ACOXL: variants seen among roughly 807,000 people sequenced by gnomAD.
ACOXL encodes the protein acyl-coenzyme A oxidase-like protein.
A neutral mutation model predicts 71.9 loss-of-function variants in ACOXL; 70 were observed. The observed-to-expected ratio is 0.97, with a 90% confidence interval of 0.80 to 1.19. The LOEUF is 1.19. ACOXL is among the 50% of genes most tolerant of loss of function. The probability of loss-of-function intolerance (pLI) is 0.00; values close to 1 mark genes in which losing one functional copy is unlikely to be tolerated. For missense variants in ACOXL, 703 were observed against 736.3 expected, an observed-to-expected ratio of 0.95 and a Z score of 0.52; for synonymous variants, 253 against 281.6, an observed-to-expected ratio of 0.90 and a Z score of 1.02.
At chr2:111,063,805 A>G (rs905236096) in intron 16 of ACOXL, among the ~76,000 whole-genome samples, 1 of 152,232 alleles carries the variant, frequency 6.6e-6, no homozygotes, top group African/African-American at 2.4e-5. Flanking sequence ...AATAAAAGAC[A>G]TATCCTTTTA....
intron 9 of ACOXL, among the ~76,000 whole-genome samples, chr2:110,837,747 C>A (rs536354121): frequency 1.2e-4 from 18 of 152,202 alleles, no homozygotes; most frequent in African/African-American, 4.3e-4. Flanking sequence ...CTTTCCTTGC[C>A]ATTAAAATGT....
chr2:111,018,708 T>TGGGG (rs34041816), intron 14 of ACOXL, among the ~76,000 whole-genome samples: 5 of 134,816 alleles, frequency 3.7e-5, no homozygotes, highest in African/African-American at 1.8e-4. Flanking sequence ...GCAGAGAGGC[T>TGGGG]GGAGGGGGTG....
intron 17 of ACOXL, among the ~76,000 whole-genome samples, chr2:111,111,524 G>GTTACTTTA (rs2069962367): frequency 6.6e-6 from 1 of 152,320 alleles, no homozygotes; most frequent in Admixed American, 6.5e-5. Flanking sequence ...CAGCATTGTG[G>GTTACTTTA]TTACTTTAAT....
At chr2:111,110,011 AG>A (rs780918286) in intron 17 of ACOXL, among the ~76,000 whole-genome samples, 5 of 152,074 alleles carry the variant, frequency 3.3e-5, no homozygotes, top group African/African-American at 7.2e-5. Flanking sequence ...CATTTATAAT[AG>A]TTGTTTTTAA....
intron 12 of ACOXL, among the ~76,000 whole-genome samples, chr2:110,985,172 T>C (rs1203446314): frequency 4.5e-4 from 1 of 2,238 alleles, no homozygotes; most frequent in Non-Finnish European, 1.0e-3. Flanking sequence ...GGATTGCTAT[T>C]ATCATTTTAA....
chr2:110,941,252 A>C (rs1178927763), intron 12 of ACOXL, among the ~76,000 whole-genome samples: 1 of 152,218 alleles, frequency 6.6e-6, no homozygotes, highest in Non-Finnish European at 1.5e-5. Context: ...TACACTGTGC[A>C]TGGAATTGCA....
At chr2:111,002,351 T>C (rs2063676300) in intron 14 of ACOXL, among the ~76,000 whole-genome samples, 1 of 152,228 alleles carries the variant, frequency 6.6e-6, no homozygotes, top group Non-Finnish European at 1.5e-5. Context: ...AACAAAAAAC[T>C]GTTCAAAAGT....
intron 10 of ACOXL, among the ~76,000 whole-genome samples, chr2:110,891,482 C>T (rs2149147011): frequency 6.6e-6 from 1 of 151,180 alleles, no homozygotes; most frequent in Middle Eastern, 3.4e-3. Context: ...ATGACAATAC[C>T]TGCCTTTCTA....
intron 15 of ACOXL, among the ~76,000 whole-genome samples, chr2:111,043,016 C>T (rs1398450151): frequency 6.6e-6 from 1 of 152,204 alleles, no homozygotes; most frequent in Non-Finnish European, 1.5e-5. Flanking sequence ...GTGTTCGGAG[C>T]AGAAAACATG....
At chr2:110,995,202 A>G (rs1265105777) in intron 13 of ACOXL, among the ~76,000 whole-genome samples, 1 of 152,076 alleles carries the variant, frequency 6.6e-6, no homozygotes, top group Non-Finnish European at 1.5e-5. Context: ...CTCACTTGAC[A>G]GAATTGTATA....
At chr2:110,844,640 T>C (rs1399385532) in intron 10 of ACOXL, among the ~76,000 whole-genome samples, 1 of 151,100 alleles carries the variant, frequency 6.6e-6, no homozygotes, top group Non-Finnish European at 1.5e-5. Flanking sequence ...CTCTGCCACC[T>C]AGGTTCAAGC....
chr2:110,900,086 TACACACACACACACACACACACACAC>T (rs60758688), intron 10 of ACOXL, among the ~76,000 whole-genome samples: 34 of 143,258 alleles, frequency 2.4e-4, no homozygotes, highest in Admixed American at 9.6e-4. Flanking sequence ...CACACACACA[TACACACACACACACACACACACACAC>T]ACACACACAC....
chr2:110,742,093 G>A (rs1249390514), intron 1 of ACOXL, among the ~76,000 whole-genome samples: 6 of 152,250 alleles, frequency 3.9e-5, no homozygotes, highest in Non-Finnish European at 7.3e-5. Context: ...GAGGGTCCCA[G>A]GGATGGGGAC....
chr2:111,021,997 CAG>C lies in ACOXL; in HGVS notation c.1282-9618_1282-9617del, dbSNP rs202068445. 2.0e-4 allele frequency among the ~76,000 whole-genome samples: 30 copies of C among 151,584 alleles called. No homozygotes were observed. In the East Asian group the frequency reaches 5.6e-3, roughly 28 times the overall value. ...AAAAAAAGACAGAACTCATCTAGACCAGAGAGAGAGAGATGAAAAAATACAGA... is the reference window on the plus strand; with the variant it reads ...AAAAAAAGACAGAACTCATCTAGACCAGAGAGAGAGATGAAAAAATACAGA... On this transcript the variant is annotated intron_variant, in intron 14 of 17. Coordinates refer to ENST00000439055, the MANE Select transcript of ACOXL (RefSeq NM_001142807.4).
intron 10 of ACOXL, among the ~76,000 whole-genome samples, chr2:110,881,826 T>C (rs1195659065): frequency 6.6e-6 from 1 of 152,190 alleles, no homozygotes. Flanking sequence ...CTTTTCATTG[T>C]AGATTCATAT....
At chr2:110,754,124 G>C (rs764224520) in intron 1 of ACOXL, among the ~76,000 whole-genome samples, 11 of 149,586 alleles carry the variant, frequency 7.4e-5, no homozygotes, top group Middle Eastern at 3.5e-3. Context: ...CCAGGCTGGA[G>C]TGCAGTGGCA....
chr2:110,771,662 CAG>C (rs1216613552), intron 2 of ACOXL, among the ~76,000 whole-genome samples: 9 of 152,350 alleles, frequency 5.9e-5, no homozygotes, highest in African/African-American at 2.2e-4. Flanking sequence ...AGTCTGATTG[CAG>C]AGTGTGCACG....
intron 1 of ACOXL, among the ~76,000 whole-genome samples, chr2:110,741,293 A>G (rs1023154112): frequency 6.6e-6 from 1 of 152,174 alleles, no homozygotes; most frequent in Admixed American, 6.5e-5. Flanking sequence ...TCCAAGATCA[A>G]GGTGTCAGTG....
intron 10 of ACOXL, among the ~76,000 whole-genome samples, chr2:110,907,868 C>T (rs994151192): frequency 6.6e-6 from 1 of 152,150 alleles, no homozygotes; most frequent in Admixed American, 6.5e-5. Flanking sequence ...AAAACAATTG[C>T]TTCTTCTCTT....
Sources: allele counts gnomAD v4.1 joint callset (sites outside exome capture counted in the v4.1 genomes callset), GRCh38; gene constraint gnomAD v4.1.1; transcripts MANE v1.5; gene names NCBI Gene and HGNC (gene_info 2026-07-23, HGNC 2026-07-21).